DYNC1H1: variants seen among roughly 807,000 people sequenced by gnomAD.
DYNC1H1 encodes the protein dynein cytoplasmic 1 heavy chain 1, also known as cytoplasmic dynein 1 heavy chain 1.
In DYNC1H1, 51 loss-of-function variants were observed where a neutral mutation model predicts 527.1. The observed-to-expected ratio is 0.10, with a 90% CI of 0.08 to 0.12. The LOEUF is 0.12. Among genes scored for constraint, DYNC1H1 ranks in the 10% least tolerant of loss-of-function variants. The probability of loss-of-function intolerance (pLI) is 1.00; values close to 1 mark genes in which losing one functional copy is unlikely to be tolerated. For missense variants in DYNC1H1, 2,771 were observed against 5,971.8 expected (o/e 0.46, Z 17.66); for synonymous variants, 2,189 against 2,278.8 (o/e 0.96, Z 1.12).
At chr14:102,024,466 G>A (rs112858809) in intron 43 of DYNC1H1, among the ~76,000 whole-genome samples, 21 of 152,192 alleles carry the variant, frequency 1.4e-4, no homozygotes, top group African/African-American at 4.8e-4. Context: ...ACTGGTCTTC[G>A]TGTGTTTAGG....
In DYNC1H1 at chr14:102,034,389, C is replaced by T; in HGVS notation, c.10691C>T (p.Ala3564Val). The change falls in exon 56 of 78, where the codon GCC becomes GTC. Residue 3564 changes from alanine (A) to valine (V), a missense_variant. Ala to Val is a moderately conservative substitution (Grantham distance 64). Around this residue, in one of 32 missense-constraint regions of DYNC1H1, gnomAD observed 283 missense variants for 737.6 expected, o/e 0.38. Transcript: ENST00000360184. ...SNADERLRWQASSLPADDLCT... is the reference protein window; with the variant it reads ...SNADERLRWQVSSLPADDLCT... ...GCTGATGAGCGTCTTCGCTGGCAGG[C>T]CAGCTCCTTGCCTGCTGATGACCTT... 2 of 1,613,980 alleles carry T rather than the reference C, an allele frequency of 1.2e-6. No individual in the cohort carries two copies. Among genetic ancestry groups the T allele is most frequent in the African/African-American group, 1.3e-5 (1 of 75,046 alleles).
In DYNC1H1 at chr14:101,995,222, C is replaced by G; in HGVS notation, c.3486C>G (p.Ser1162Arg). Residue 1162 changes from serine (S) to arginine (R), a missense_variant, in exon 15 of 78, where the codon AGC (serine) becomes AGG (arginine). By Grantham distance (110) the Ser-to-Arg change is moderately radical. Transcript: ENST00000360184. ...ELEQHSVDTA[S>R]TSDAVTFITY... ...AGCAGCACTCAGTAGACACGGCCAG[C>G]ACCTCCGATGCAGTGACCTTCATCA... The G allele has an allele frequency of 6.2e-7, 1 of 1,614,224 alleles. No individual in the cohort carries two copies. The highest frequency in any genetic ancestry group is 8.5e-7 in the Non-Finnish European group (1 of 1,180,042).
chr14:102,019,620 G>T (rs1249717340), intron 41 of DYNC1H1, among the ~76,000 whole-genome samples: 1 of 152,082 alleles, frequency 6.6e-6, no homozygotes, highest in Non-Finnish European at 1.5e-5. Flanking sequence ...TACTCATTTG[G>T]AGACGGAGTC....
At chr14:101,998,448 G>T (rs752950727) in intron 16 of DYNC1H1, among the ~76,000 whole-genome samples, 1 of 152,158 alleles carries the variant, frequency 6.6e-6, no homozygotes, top group African/African-American at 2.4e-5. Flanking sequence ...GGTCCCAGGC[G>T]ATTGGTTTGT....
rs2048262100 is a variant in DYNC1H1 at position 102,011,827 on chromosome 14, C to T, written c.6619-48C>T. The T allele has an allele frequency of 6.3e-7, 1 of 1,586,724 alleles. No homozygotes were observed. Among genetic ancestry groups the T allele is most frequent in the South Asian group, 1.1e-5 (1 of 90,486 alleles). ...AGGTGGCTGGGCGAGGAGCTGTCCC[C>T]ATTCCTCCTCTGGGATGGTCACTGT... On this transcript the variant is annotated intron_variant, in intron 32 of 77. Transcript: ENST00000360184. The surrounding 1 kb of genome is among the most constrained non-coding windows in gnomAD (Gnocchi z 5.3).
rs754694929 is a variant in DYNC1H1 at position 102,042,090 on chromosome 14, C to A, written c.12180C>A (p.Ala4060=). Residue 4060 remains alanine, a synonymous_variant, in exon 66 of 78, where the codon GCC becomes GCA. Coordinates refer to ENST00000360184, the MANE Select transcript of DYNC1H1 (RefSeq NM_001376.5). This position sits in a 1 kb window ranked among gnomAD's most constrained non-coding sequence, Gnocchi z 5.7. The part of the protein sequence containing the change: ...DASGHVEDLA[A]EQNTQITSIA... ...GTGGACATGTCGAGGACCTTGCAGC[C>A]GAGCAGAACACGCAGATCACTTCAA... 5 of 1,613,928 alleles carry A rather than the reference C, an allele frequency of 3.1e-6. No homozygotes were observed. In the African/African-American group the frequency reaches 6.7e-5, roughly 22 times the overall value.
Position 102,042,987 on chromosome 14 carries a change from G to A in DYNC1H1, c.12513+239G>A, listed in dbSNP as rs1054992336. 5.8e-5 allele frequency: 32 copies of A among 555,448 alleles called. No individual in the cohort carries two copies. The African/African-American group carries it at 5.8e-4, about 10-fold the overall frequency. 34.4% of individuals were successfully genotyped at this position (555,448 alleles called of 1,614,324 possible). A position where few individuals can be genotyped will look rare whatever the true frequency, so the allele number is the denominator to read the frequency against. On this transcript the variant is annotated intron_variant, in intron 69 of 77. Coordinates refer to ENST00000360184, the MANE Select transcript of DYNC1H1 (RefSeq NM_001376.5). This position sits in a 1 kb window ranked among gnomAD's most constrained non-coding sequence, Gnocchi z 5.7. ...GGATCACTTGAGCCCAGGAGTTCAA[G>A]ACTGTCTGGGCAGGCCAGGAGTGGT...
At chr14:102,025,921 TC>T (rs2048444658) in intron 43 of DYNC1H1, among the ~76,000 whole-genome samples, 1 of 151,954 alleles carries the variant, frequency 6.6e-6, no homozygotes, top group Non-Finnish European at 1.5e-5. Flanking sequence ...ATCAAGACCA[TC>T]CTGGCCAACG....
chr14:101,973,763 C>T (rs921498872), intron 1 of DYNC1H1, among the ~76,000 whole-genome samples: 4 of 152,134 alleles, frequency 2.6e-5, no homozygotes, highest in African/African-American at 9.7e-5. Context: ...GTGATGAAGC[C>T]ACTGCGTTCC....
intron 56 of DYNC1H1, chr14:102,034,786 C>T (rs1368360543): frequency 1.0e-5 from 4 of 394,276 alleles, no homozygotes; most frequent in African/African-American, 4.1e-5. Flanking sequence ...ATTAGCCAGG[C>T]GTGGTGGCAT....
rs1048960174 is a variant in DYNC1H1 at position 102,015,439 on chromosome 14, A to T, written c.7242+107A>T. ...GGTCTTGAACTCCTGGGCCCAAGCA[A>T]TCCACCTGCCTTGGCCTCTCAAAGT... is the stretch of plus-strand genomic sequence containing the variant. On this transcript the variant is annotated intron_variant, in intron 35 of 77. Coordinates refer to ENST00000360184, the MANE Select transcript of DYNC1H1 (RefSeq NM_001376.5). This position sits in a 1 kb window ranked among gnomAD's most constrained non-coding sequence, Gnocchi z 6.9. 7.7e-7 allele frequency: 1 copy of T among 1,305,584 alleles called. No homozygotes were observed. The highest frequency in any genetic ancestry group is 1.1e-6 in the Non-Finnish European group (1 of 949,532). 80.9% of individuals were successfully genotyped at this position (1,305,584 alleles called of 1,614,324 possible). A position where few individuals can be genotyped will look rare whatever the true frequency, so the allele number is the denominator to read the frequency against.
chr14:102,046,300 A>G (rs1224787550), intron 72 of DYNC1H1, among the ~76,000 whole-genome samples: 1 of 152,262 alleles, frequency 6.6e-6, no homozygotes, highest in Non-Finnish European at 1.5e-5. Context: ...CAGCTGATCA[A>G]ATCTCAACTT....
chr14:102,036,660 A>G lies in DYNC1H1; in HGVS notation c.10908+18A>G. On this transcript the variant is annotated intron_variant, in intron 57 of 77. Coordinates refer to ENST00000360184, the MANE Select transcript of DYNC1H1 (RefSeq NM_001376.5). The surrounding 1 kb of genome is among the most constrained non-coding windows in gnomAD (Gnocchi z 5.6). ...TGGTCCAGGTTGGTGTTGGCCTTTG[A>G]ATTCTTGAAACACTGCATTCAAGAG... 6.2e-7 allele frequency: 1 copy of G among 1,613,850 alleles called. No individual in the cohort carries two copies. Among genetic ancestry groups the G allele is most frequent in the East Asian group, 2.2e-5 (1 of 44,870 alleles).
Position 102,016,117 on chromosome 14 carries a change from C to A in DYNC1H1, c.7473+31C>A. The A allele has an allele frequency of 6.4e-7, 1 of 1,574,542 alleles. No individual in the cohort carries two copies. The highest frequency in any genetic ancestry group is 1.2e-5 in the South Asian group (1 of 86,880). ...GGGGCATCAGGGGCTTCACAGAGCT[C>A]ACCACTGCGCCAGACCACAGGTCTG... On this transcript the variant is annotated intron_variant, in intron 36 of 77. Coordinates refer to ENST00000360184, the MANE Select transcript of DYNC1H1 (RefSeq NM_001376.5). The surrounding 1 kb of genome is among the most constrained non-coding windows in gnomAD (Gnocchi z 7.3).
chr14:102,009,785 T>A (rs1393125959), intron 29 of DYNC1H1, 58 bp from the exon 30 acceptor site: 5 of 1,608,516 alleles, frequency 3.1e-6, no homozygotes, highest in Non-Finnish European at 4.3e-6. Flanking sequence ...CATTTTAGAA[T>A]GCATTTTGTT....
chr14:102,040,591 T>G lies in DYNC1H1; in HGVS notation c.11866-7T>G, dbSNP rs2152595818. The G allele has an allele frequency of 6.2e-7, 1 of 1,614,182 alleles. No homozygotes were observed. Among genetic ancestry groups the G allele is most frequent in the Non-Finnish European group, 8.5e-7 (1 of 1,180,042 alleles). On this transcript the variant is annotated splice_polypyrimidine_tract_variant and splice_region_variant and intron_variant, in intron 63 of 77. Transcript: ENST00000360184. ...CTCCATGGGTGCTTCCACTATTGTC[T>G]CCACAGCAATTTGGCATCTGGCTGG...
At chr14:102,032,858 A>G in intron 52 of DYNC1H1, 1 of 615,070 alleles carries the variant, frequency 1.6e-6, no homozygotes, top group Non-Finnish European at 2.8e-6. Flanking sequence ...GTCTCATTAA[A>G]AAAGAAGAAA....
chr14:101,975,607 TATGTC>T (rs1242998381), intron 1 of DYNC1H1, 100 bp from the exon 2 acceptor site: 5 of 1,016,154 alleles, frequency 4.9e-6, no homozygotes, highest in Non-Finnish European at 7.6e-6. Context: ...TAGGTGTCGA[TATGTC>T]AGGCTGGGAG....
chr14:101,988,664 T>A, intron 9 of DYNC1H1, 39 bp from the exon 10 acceptor site: 1 of 1,613,824 alleles, frequency 6.2e-7, no homozygotes, highest in Non-Finnish European at 8.5e-7. Context: ...AGCTAACTTT[T>A]AGAAGAAACA....
Sources: allele counts gnomAD v4.1 joint callset (sites outside exome capture counted in the v4.1 genomes callset), GRCh38; gene constraint gnomAD v4.1.1; regional missense constraint gnomAD v4.1.1; non-coding constraint Gnocchi (gnomAD v3.1); transcripts MANE v1.5; gene names NCBI Gene and HGNC (gene_info 2026-07-23, HGNC 2026-07-21).